Variants in LRP1B observed in about 807,000 individuals in gnomAD.
LRP1B encodes LDL receptor related protein 1B.
LRP1B carries 217 observed loss-of-function variants against 556.6 expected under a neutral mutation model. That is an observed-to-expected ratio of 0.39 (90% CI 0.35 to 0.44). LRP1B has a LOEUF of 0.44. Among genes scored for constraint, LRP1B ranks in the 20% least tolerant of loss-of-function variants. The probability of loss-of-function intolerance (pLI) is 1.00; values close to 1 mark genes in which losing one functional copy is unlikely to be tolerated. For synonymous variants in LRP1B, 2,047 were observed against 1,865.8 expected, an observed-to-expected ratio of 1.10 and a Z score of -2.50; for missense variants, 5,053 against 5,620.8, an observed-to-expected ratio of 0.90 and a Z score of 3.23.
At chr2:141,286,186 C>T (rs1685714973) in intron 3 of LRP1B, among the ~76,000 whole-genome samples, 1 of 151,446 alleles carries the variant, frequency 6.6e-6, no homozygotes, top group Middle Eastern at 3.4e-3. Flanking sequence ...TAAATTTTGT[C>T]AAGTTCTTTT....
chr2:140,371,588 CTTTGAT>C (rs1166299477), intron 69 of LRP1B, among the ~76,000 whole-genome samples: 1 of 149,752 alleles, frequency 6.7e-6, no homozygotes, highest in African/African-American at 2.4e-5. Flanking sequence ...TCCTTCATCC[CTTTGAT>C]TTTGAAGTGT....
intron 2 of LRP1B, among the ~76,000 whole-genome samples, chr2:141,730,923 C>T (rs750867914): frequency 4.6e-5 from 7 of 152,118 alleles, no homozygotes; most frequent in Non-Finnish European, 7.3e-5. Flanking sequence ...GTAAATACTC[C>T]TAAAGGGGCC....
intron 31 of LRP1B, among the ~76,000 whole-genome samples, chr2:140,823,296 T>A (rs930189880): frequency 1.8e-5 from 1 of 56,838 alleles, no homozygotes; most frequent in Non-Finnish European, 6.5e-5. Context: ...TGGCTCTTCT[T>A]AATTGTTTAA....
intron 41 of LRP1B, among the ~76,000 whole-genome samples, chr2:140,697,995 CA>C (rs965169734): frequency 5.3e-5 from 8 of 151,476 alleles, no homozygotes; most frequent in Admixed American, 1.3e-4. Flanking sequence ...TGAAATATAC[CA>C]AAAAAGATTG....
chr2:140,944,822 C>T (rs774720353), intron 20 of LRP1B, among the ~76,000 whole-genome samples: 1 of 152,110 alleles, frequency 6.6e-6, no homozygotes, highest in Non-Finnish European at 1.5e-5. Context: ...CAGGCAAAAC[C>T]TGCAAGCATT....
chr2:140,568,638 T>C (rs116115208), intron 43 of LRP1B, among the ~76,000 whole-genome samples: 1,603 of 152,146 alleles, frequency 0.011, 18 homozygotes, highest in African/African-American at 0.025. Context: ...AGCTTGCAGA[T>C]CTCAAAATAT....
intron 2 of LRP1B, among the ~76,000 whole-genome samples, chr2:141,660,461 G>A (rs1303758398): frequency 6.6e-6 from 1 of 152,092 alleles, no homozygotes; most frequent in Non-Finnish European, 1.5e-5. Flanking sequence ...CATCACTACA[G>A]CTCCAGTCTG....
intron 85 of LRP1B, 109 bp from the exon 86 acceptor site, chr2:140,270,455 G>T: frequency 1.5e-6 from 1 of 672,014 alleles, no homozygotes; most frequent in Non-Finnish European, 2.6e-6. Flanking sequence ...TAGGAGAGAT[G>T]GAGTGGCTGG....
At chr2:141,533,509 G>A (rs1324862469) in intron 2 of LRP1B, among the ~76,000 whole-genome samples, 9 of 152,134 alleles carry the variant, frequency 5.9e-5, no homozygotes, top group Admixed American at 2.6e-4. Context: ...AGCCAATTAC[G>A]GATAAATGCT....
intron 2 of LRP1B, among the ~76,000 whole-genome samples, chr2:141,744,138 T>C (rs1464869502): frequency 6.6e-6 from 1 of 152,096 alleles, no homozygotes; most frequent in East Asian, 1.9e-4. Flanking sequence ...CATAAACTTC[T>C]TTTTTAGTAC....
intron 79 of LRP1B, among the ~76,000 whole-genome samples, chr2:140,327,815 G>T (rs1310068761): frequency 6.6e-6 from 1 of 151,936 alleles, no homozygotes; most frequent in Non-Finnish European, 1.5e-5. Flanking sequence ...GTCTAGGTTT[G>T]TCTAAGACCC....
In LRP1B at chr2:141,810,276, C is replaced by T; in HGVS notation, c.205+3G>A. The T allele has an allele frequency of 1.2e-6, 2 of 1,612,708 alleles. No individual in the cohort carries two copies. The highest frequency in any genetic ancestry group is 1.7e-6 in the Non-Finnish European group (2 of 1,179,192). On this transcript the variant is annotated splice_donor_region_variant and intron_variant, in intron 2 of 90. Transcript: ENST00000389484. ...CGAATGGCATGAGAACCTTTCTACT[C>T]ACAGGTATCTAAAGACTCGTCTGAA...
chr2:142,105,407 C>T (rs1706712627), intron 1 of LRP1B, among the ~76,000 whole-genome samples: 2 of 152,036 alleles, frequency 1.3e-5, no homozygotes, highest in African/African-American at 4.8e-5. Flanking sequence ...TTGACACATC[C>T]CATTAAATAG....
At position 141,118,907 on chromosome 2, in the gene LRP1B, T is replaced by C. The variant is rs537289673; in HGVS notation, c.1014-56634A>G. Among the ~76,000 whole-genome samples the C allele has an allele frequency of 1.1e-4, 16 of 151,824 alleles. No homozygotes were observed. The South Asian group carries it at 1.5e-3, about 14-fold the overall frequency. ...TTAAGTTCAAAGCAGCGTTAAGAAA[T>C]ACAGCAATGTCATTCAAGAATTCTG... On this transcript the variant is annotated intron_variant, in intron 7 of 90. Transcript: ENST00000389484.
chr2:141,810,151 AAG>A (rs1696305213), intron 2 of LRP1B, 126 bp downstream of exon 2: 1 of 477,518 alleles, frequency 2.1e-6, no homozygotes, highest in African/African-American at 4.0e-5. Context: ...GAAAGAAAGA[AAG>A]AAAGAAAGAA....
intron 11 of LRP1B, among the ~76,000 whole-genome samples, chr2:141,048,387 G>T (rs1200496839): frequency 1.3e-5 from 2 of 151,682 alleles, no homozygotes; most frequent in East Asian, 1.9e-4. Flanking sequence ...AATATACATT[G>T]GTTTTATTAA....
intron 10 of LRP1B, among the ~76,000 whole-genome samples, chr2:141,051,732 CA>C (rs924623205): frequency 1.3e-5 from 2 of 151,816 alleles, no homozygotes; most frequent in African/African-American, 2.4e-5. Flanking sequence ...GTGTATTTCC[CA>C]GCAGCAGATT....
intron 7 of LRP1B, among the ~76,000 whole-genome samples, chr2:141,147,092 G>T (rs760689460): frequency 5.3e-5 from 8 of 152,132 alleles, no homozygotes; most frequent in Non-Finnish European, 1.2e-4. Flanking sequence ...CTCCTTTTCT[G>T]CTCTGGGTCA....
intron 3 of LRP1B, among the ~76,000 whole-genome samples, chr2:141,440,366 A>G (rs564057483): frequency 6.6e-6 from 1 of 152,330 alleles, no homozygotes; most frequent in East Asian, 1.9e-4. Context: ...GACTTCCTCC[A>G]CACTGAACTC....
Sources: gnomAD v4.1 joint callset for allele counts (sites outside exome capture counted in the v4.1 genomes callset) on GRCh38, gnomAD v4.1.1 for gene constraint, MANE v1.5 for transcripts, NCBI Gene and HGNC (gene_info 2026-07-23, HGNC 2026-07-21) for gene names.